DIDO1: variants seen among roughly 807,000 people sequenced by gnomAD.
The protein encoded by DIDO1 is death-inducer obliterator 1.
A neutral mutation model predicts 99.4 loss-of-function variants in DIDO1; 16 were observed. The ratio of observed to expected loss-of-function variants is 0.16; its 90% CI spans 0.11 to 0.24. DIDO1 has a LOEUF of 0.24. Ranked by LOEUF, DIDO1 falls within the 10% of genes least tolerant of loss-of-function variation. The pLI, the probability that DIDO1 is intolerant of heterozygous loss-of-function variation, is 1.00. For synonymous variants in DIDO1, 1,366 were observed against 1,239.1 expected (o/e 1.10, Z -2.15); for missense variants, 2,996 against 3,014.0 (o/e 0.99, Z 0.14).
rs2064763085 is a variant in DIDO1, at chr20:62,904,781, A to AG, written c.1588+1105_1588+1106insC. 6.7e-5 allele frequency among the ~76,000 whole-genome samples: 3 copies of AG among 44,772 alleles called. No homozygotes were observed. In the South Asian group the frequency reaches 2.2e-3, roughly 33 times the overall value. The allele number at this position is 44,772 out of a possible 152,430, so 29.4% of individuals were successfully genotyped here. ...GGTGACAGAGCAAGACTCTTGTCTC[A>AG]AAAAAAAAAAAAAAAAAAAAAAAAA... On this transcript the variant is annotated intron_variant, in intron 6 of 15. Transcript: ENST00000395343.
rs772346973 is a variant in DIDO1, at chr20:62,879,810, G to A, written c.6146C>T (p.Ala2049Val). 7 of 1,609,872 alleles carry A rather than the reference G, an allele frequency of 4.3e-6. No individual in the cohort carries two copies. The highest frequency in any genetic ancestry group is 5.1e-6 in the Non-Finnish European group (6 of 1,179,208). ...CTGTCCGGGCGCACTGGAGGAGAGCGCGGAGGGCGGCCCGGCCTCCTCCCA... is the reference window on the plus strand; with the variant it reads ...CTGTCCGGGCGCACTGGAGGAGAGCACGGAGGGCGGCCCGGCCTCCTCCCA... ...DRWEEAGPPS[A>V]LSSSAPGQGP... The change falls in exon 16 of 16, where the codon GCG becomes GTG. Residue 2049 changes from alanine to valine, a missense_variant. By Grantham distance (64) the Ala-to-Val change is moderately conservative (BLOSUM62 0). Transcript: ENST00000395343. The surrounding 1 kb of genome is among the most constrained non-coding windows in gnomAD (Gnocchi z 6.3).
intron 1 of DIDO1, among the ~76,000 whole-genome samples, chr20:62,922,229 CACAT>C (rs1317581337): frequency 2.2e-5 from 2 of 90,558 alleles, no homozygotes; most frequent in Admixed American, 1.3e-4. Context: ...TACACACACA[CACAT>C]ATATATATAT....
At chr20:62,905,779 G>A (rs780264863) in intron 6 of DIDO1, 108 bp downstream of exon 6, 2 of 1,610,986 alleles carry the variant, frequency 1.2e-6, no homozygotes, top group Non-Finnish European at 1.7e-6. Context: ...CGGTGTCTGT[G>A]ATCAGCTTAA....
At chr20:62,919,447 G>A (rs1220574335) in intron 1 of DIDO1, among the ~76,000 whole-genome samples, 1 of 152,086 alleles carries the variant, frequency 6.6e-6, no homozygotes, top group Admixed American at 6.5e-5. Context: ...GGCTGAGGCA[G>A]GAGAATCACT....
chr20:62,911,544 G>C lies in DIDO1; in HGVS notation c.69C>G (p.Phe23Leu), dbSNP rs377572347. The C allele has an allele frequency of 6.2e-7, 1 of 1,611,984 alleles. No individual in the cohort carries two copies. ...TCCTTCGAAAACCCCATGTTTTCCT[G>C]AACTCTTTGCTGGTGGGTTTGATGG... Reference protein sequence around the residue: ...PKAIKPTSKEFRKTWGFRRTT... With the variant: ...PKAIKPTSKELRKTWGFRRTT... The change falls in exon 3 of 16, where the codon TTC becomes TTG. Residue 23 changes from phenylalanine to leucine, a missense_variant. Phe to Leu is a conservative substitution (Grantham distance 22). Coordinates refer to ENST00000395343, the MANE Select transcript of DIDO1 (RefSeq NM_001193369.2). The surrounding 1 kb of genome is among the most constrained non-coding windows in gnomAD (Gnocchi z 7.0).
rs764003100 is a variant in DIDO1, at chr20:62,881,034, C to T, written c.4922G>A (p.Gly1641Asp). The change falls in exon 16 of 16, where the codon GGC (glycine) becomes GAC (aspartate). Residue 1641 changes from glycine (G) to aspartate (D), a missense_variant. Physicochemically the swap from Gly to Asp is moderately conservative, Grantham distance 94 (BLOSUM62 -1). Coordinates refer to ENST00000395343, the MANE Select transcript of DIDO1 (RefSeq NM_001193369.2). This position sits in a 1 kb window ranked among gnomAD's most constrained non-coding sequence, Gnocchi z 8.3. ...QDGWKAEPGE[G>D]TRPATVGDSS... Reference sequence around the variant, plus strand: ...GTCTCCAACCGTGGCGGGGCGGGTGCCCTCCCCAGGCTCTGCCTTCCAGCC... The same window carrying T: ...GTCTCCAACCGTGGCGGGGCGGGTGTCCTCCCCAGGCTCTGCCTTCCAGCC... The T allele has an allele frequency of 1.3e-6, 2 of 1,594,352 alleles. No homozygotes were observed. The highest frequency in any genetic ancestry group is 8.5e-7 in the Non-Finnish European group (1 of 1,173,548).
Position 62,896,708 on chromosome 20 carries a change from T to G in DIDO1, c.1877A>C (p.Lys626Thr). 1 of 1,613,884 alleles carries G rather than the reference T, an allele frequency of 6.2e-7. No individual in the cohort carries two copies. Among genetic ancestry groups the G allele is most frequent in the Non-Finnish European group, 8.5e-7 (1 of 1,179,904 alleles). The change falls in exon 7 of 16, where the codon AAG becomes ACG. Residue 626 changes from lysine (K) to threonine (T), a missense_variant. Coordinates refer to ENST00000395343, the MANE Select transcript of DIDO1 (RefSeq NM_001193369.2). The surrounding 1 kb of genome is among the most constrained non-coding windows in gnomAD (Gnocchi z 4.4). Reference protein sequence around the residue: ...PAPAAATAASKKFPGSAALVG... With the variant: ...PAPAAATAASTKFPGSAALVG... ...CAAAGCAGCGGAGCCAGGGAACTTC[T>G]TGGAGGCAGCCGTTGCCGCTGCAGG...
Position 62,879,554 on chromosome 20 carries a change from C to G in DIDO1, c.6402G>C (p.Glu2134Asp), listed in dbSNP as rs764295008. ...SRERDWDRPR[E>D]WDRHRDKDSS... Reference sequence around the variant, plus strand: ...AGTCCTTGTCCCGGTGTCGGTCCCACTCCCGGGGCCGGTCCCAGTCCCGCT... The same window carrying G: ...AGTCCTTGTCCCGGTGTCGGTCCCAGTCCCGGGGCCGGTCCCAGTCCCGCT... Residue 2134 changes from glutamate to aspartate, a missense_variant, in exon 16 of 16, where the codon GAG (glutamate) becomes GAC (aspartate). By Grantham distance (45) the Glu-to-Asp change is conservative. Transcript: ENST00000395343. This position sits in a 1 kb window ranked among gnomAD's most constrained non-coding sequence, Gnocchi z 6.3. 6.2e-7 allele frequency: 1 copy of G among 1,600,744 alleles called. No individual in the cohort carries two copies. Among genetic ancestry groups the G allele is most frequent in the African/African-American group, 1.3e-5 (1 of 74,726 alleles).
Position 62,879,824 on chromosome 20 carries a change from G to C in DIDO1, c.6132C>G (p.Ala2044=). Residue 2044 remains alanine, a synonymous_variant, in exon 16 of 16, where the codon GCC becomes GCG. Coordinates refer to ENST00000395343, the MANE Select transcript of DIDO1 (RefSeq NM_001193369.2). This position sits in a 1 kb window ranked among gnomAD's most constrained non-coding sequence, Gnocchi z 6.3. The part of the protein sequence containing the change: ...PQHRKDRWEE[A]GPPSALSSSA... Reference sequence around the variant, plus strand: ...TGGAGGAGAGCGCGGAGGGCGGCCCGGCCTCCTCCCAGCGGTCCTTCCGGT... The same window carrying C: ...TGGAGGAGAGCGCGGAGGGCGGCCCCGCCTCCTCCCAGCGGTCCTTCCGGT... 1 of 1,609,004 alleles carries C rather than the reference G, an allele frequency of 6.2e-7. No homozygotes were observed. The highest frequency in any genetic ancestry group is 8.5e-7 in the Non-Finnish European group (1 of 1,178,664).
Position 62,911,613 on chromosome 20 carries a change from A to G in DIDO1, c.-1T>C. Reference sequence around the variant, plus strand: ...TGCTCGGGTCGCCTTTGTCGTCCATACCTAGCGGTAAAGTGTAAGCACATA... The same window carrying G: ...TGCTCGGGTCGCCTTTGTCGTCCATGCCTAGCGGTAAAGTGTAAGCACATA... On this transcript the variant is annotated splice_region_variant and 5_prime_UTR_variant, in exon 3 of 16. Transcript: ENST00000395343. The surrounding 1 kb of genome is among the most constrained non-coding windows in gnomAD (Gnocchi z 7.0). 1 of 1,560,198 alleles carries G rather than the reference A, an allele frequency of 6.4e-7. No individual in the cohort carries two copies. Among genetic ancestry groups the G allele is most frequent in the South Asian group, 1.2e-5 (1 of 82,318 alleles).
intron 1 of DIDO1, among the ~76,000 whole-genome samples, chr20:62,936,014 CAG>C (rs1386972052): frequency 6.6e-6 from 1 of 152,260 alleles, no homozygotes; most frequent in African/African-American, 2.4e-5. Flanking sequence ...CTGTGACCCA[CAG>C]GCAGGCACTG....
At position 62,878,636 on chromosome 20, in the gene DIDO1, AAATT is replaced by A. The variant is rs2064143845; in HGVS notation, c.*593_*596del. ...GTTGCTTTAAATCATGTTTTGGAAA[AAATT>A]GATAAGGTGATATATAAAATCTGAG... is the stretch of plus-strand genomic sequence containing the variant. On this transcript the variant is annotated 3_prime_UTR_variant, in exon 16 of 16. Transcript: ENST00000395343. 6.6e-6 allele frequency: 1 copy of A among 152,246 alleles called. No homozygotes were observed. Among genetic ancestry groups the A allele is most frequent in the African/African-American group, 2.4e-5 (1 of 41,460 alleles). 9.4% of individuals were successfully genotyped at this position (152,246 alleles called of 1,614,324 possible). A position where few individuals can be genotyped will look rare whatever the true frequency, so the allele number is the denominator to read the frequency against.
rs1293809478 is a variant in DIDO1, at chr20:62,911,877, T to G, written c.-2-263A>C. Among the ~76,000 whole-genome samples, 2 of 152,254 alleles carry G rather than the reference T, an allele frequency of 1.3e-5. No homozygotes were observed. The highest frequency in any genetic ancestry group is 2.9e-5 in the Non-Finnish European group (2 of 68,040). ...CAAATGTACAATTTCATCATTTAAC[T>G]GCTCAGGACAAGGCTTCACAAGCCA... On this transcript the variant is annotated intron_variant, in intron 2 of 15. Coordinates refer to ENST00000395343, the MANE Select transcript of DIDO1 (RefSeq NM_001193369.2). This position sits in a 1 kb window ranked among gnomAD's most constrained non-coding sequence, Gnocchi z 7.0.
At chr20:62,900,178 G>A (rs2064634730) in intron 6 of DIDO1, among the ~76,000 whole-genome samples, 1 of 152,194 alleles carries the variant, frequency 6.6e-6, no homozygotes. Context: ...CTGAGAGCCA[G>A]GGGTCCCCTG....
intron 1 of DIDO1, among the ~76,000 whole-genome samples, chr20:62,921,277 A>G (rs2065131663): frequency 1.3e-5 from 2 of 152,346 alleles, no homozygotes; most frequent in East Asian, 3.9e-4. Flanking sequence ...ATCAATAGAT[A>G]TAACAAAAGC....
At chr20:62,914,895 A>AG (rs1443877814) in intron 1 of DIDO1, among the ~76,000 whole-genome samples, 1 of 152,238 alleles carries the variant, frequency 6.6e-6, no homozygotes, top group East Asian at 1.9e-4. Context: ...AACAAGAAAA[A>AG]TTTTAGAATA....
At chr20:62,882,785 G>A (rs886934596) in intron 15 of DIDO1, among the ~76,000 whole-genome samples, 56 of 152,146 alleles carry the variant, frequency 3.7e-4, no homozygotes, top group Non-Finnish European at 1.6e-4. Context: ...TAGAGCAGTA[G>A]TGTGGAGGGG....
At chr20:62,890,612 G>A (rs768143426) in intron 15 of DIDO1, 45 of 1,151,026 alleles carry the variant, frequency 3.9e-5, no homozygotes, top group East Asian at 5.3e-5. Flanking sequence ...TCTGTCTAGA[G>A]GAAAGAGCAG....
chr20:62,901,942 G>A (rs141371872), intron 6 of DIDO1, among the ~76,000 whole-genome samples: 3 of 152,060 alleles, frequency 2.0e-5, no homozygotes, highest in African/African-American at 4.8e-5. Flanking sequence ...CTGTGACACC[G>A]AGAATGCCGA....
Sources: gnomAD v4.1 joint callset for allele counts (sites outside exome capture counted in the v4.1 genomes callset) on GRCh38, gnomAD v4.1.1 for gene constraint, Gnocchi (gnomAD v3.1) non-coding constraint, MANE v1.5 for transcripts, NCBI Gene and HGNC (gene_info 2026-07-23, HGNC 2026-07-21) for gene names.